The following POMT2 variants were observed in gnomAD, a reference collection of about 807,000 sequenced individuals.
The protein encoded by POMT2 is protein O-mannosyl-transferase 2.
Under a neutral mutation model 100.0 loss-of-function variants are expected in POMT2, and 75 were observed. The observed-to-expected ratio is 0.75, with a 90% CI of 0.62 to 0.91. The LOEUF is 0.91. Among genes scored for constraint, POMT2 ranks in the 40% least tolerant of loss-of-function variants. POMT2 has a pLI of 0.00. For missense variants in POMT2, 940 were observed against 955.1 expected (o/e 0.98, Z 0.21); for synonymous variants, 378 against 374.1 (o/e 1.01, Z -0.12).
At chr14:77,296,984 A>G (rs1223819745) in intron 8 of POMT2, among the ~76,000 whole-genome samples, 2 of 152,242 alleles carry the variant, frequency 1.3e-5, no homozygotes, top group African/African-American at 2.4e-5. Flanking sequence ...ATGGCTTCAC[A>G]CACTGACAAG....
At position 77,279,834 on chromosome 14, in the gene POMT2, G is replaced by A. The variant is rs745680157; in HGVS notation, c.1880C>T (p.Ala627Val). The A allele has an allele frequency of 9.3e-6, 15 of 1,613,272 alleles. No homozygotes were observed. The highest frequency in any genetic ancestry group is 2.2e-5 in the East Asian group (1 of 44,862). ...VAMQRGARLP[A>V]EVAGLSQVLL... ...CCAGAGGACCTGACCTGCAACCTCCGCTGGCAGCCGTGCCCCTCTCTGCAT... is the reference window on the plus strand; with the variant it reads ...CCAGAGGACCTGACCTGCAACCTCCACTGGCAGCCGTGCCCCTCTCTGCAT... The change falls in exon 18 of 21, where the codon GCG becomes GTG. Residue 627 changes from alanine (A) to valine (V), a missense_variant. By Grantham distance (64) the Ala-to-Val change is moderately conservative. Coordinates refer to ENST00000261534, the MANE Select transcript of POMT2 (RefSeq NM_013382.7).
chr14:77,315,221 A>T (rs545234402), intron 1 of POMT2, among the ~76,000 whole-genome samples: 1 of 152,310 alleles, frequency 6.6e-6, no homozygotes, highest in South Asian at 2.1e-4. Context: ...AGCAGTGCGC[A>T]CAAGGACTAA....
chr14:77,278,164 G>T (rs965418416), intron 20 of POMT2: 3 of 550,682 alleles, frequency 5.4e-6, no homozygotes, highest in African/African-American at 1.9e-5. Context: ...CTGAACCACC[G>T]GCAGAAGGGG....
At chr14:77,291,514 C>T in intron 9 of POMT2, 134 bp from the exon 10 acceptor site, 3 of 1,263,226 alleles carry the variant, frequency 2.4e-6, no homozygotes, top group Admixed American at 2.0e-5. Context: ...AGCCACCAAC[C>T]TGAGGGGCCA....
chr14:77,320,446 G>A lies in POMT2; in HGVS notation c.236C>T (p.Pro79Leu). Residue 79 changes from proline to leucine, a missense_variant, in exon 1 of 21, where the codon CCG (proline) becomes CTG (leucine). Physicochemically the swap from Pro to Leu is moderately conservative, Grantham distance 98. Coordinates refer to ENST00000261534, the MANE Select transcript of POMT2 (RefSeq NM_013382.7). ...FATRFHRLDE[P>L]PHICWDETHF... ...TCCCATCACTCACCAGATGTGCGGC[G>A]GCTCGTCCAAGCGGTGGAAGCGGGT... The A allele has an allele frequency of 3.2e-6, 5 of 1,546,490 alleles. No individual in the cohort carries two copies. The highest frequency in any genetic ancestry group is 4.4e-6 in the Non-Finnish European group (5 of 1,146,908).
chr14:77,319,288 C>T (rs944034295), intron 1 of POMT2, among the ~76,000 whole-genome samples: 1 of 152,176 alleles, frequency 6.6e-6, no homozygotes, highest in African/African-American at 2.4e-5. Context: ...CCTTATTCTG[C>T]TGCTTAGAGT....
chr14:77,304,641 C>G, intron 4 of POMT2, 51 bp downstream of exon 4: 1 of 1,549,676 alleles, frequency 6.5e-7, no homozygotes, highest in Non-Finnish European at 8.7e-7. Flanking sequence ...GCTACATTCA[C>G]GGAGTGGCAG....
chr14:77,279,740 A>G (rs1253737396), intron 18 of POMT2, 83 bp downstream of exon 18: 1 of 1,375,918 alleles, frequency 7.3e-7, no homozygotes, highest in Admixed American at 1.9e-5. Context: ...AGGATGGCCC[A>G]TCAGCAGGCA....
chr14:77,280,131 A>G lies in POMT2; in HGVS notation c.1726-51T>C, dbSNP rs556756120. 309 of 1,613,066 alleles carry G rather than the reference A, an allele frequency of 1.9e-4. 4 individuals carry two copies. In the East Asian group the frequency reaches 6.8e-3, roughly 35 times the overall value. ...ACCCAGGCCCAGCCCATCCTCGGCCACACCCATTAGGGGGAGGAAGATGGT... is the reference window on the plus strand; with the variant it reads ...ACCCAGGCCCAGCCCATCCTCGGCCGCACCCATTAGGGGGAGGAAGATGGT... On this transcript the variant is annotated intron_variant, in intron 16 of 20. Transcript: ENST00000261534.
At chr14:77,311,757 T>C (rs1891441156) in intron 2 of POMT2, among the ~76,000 whole-genome samples, 192 bp downstream of exon 2, 1 of 152,184 alleles carries the variant, frequency 6.6e-6, no homozygotes, top group Admixed American at 6.5e-5. Flanking sequence ...CCTCTTTCCA[T>C]TTCTGAGCCC....
chr14:77,280,022 G>A lies in POMT2; in HGVS notation c.1784C>T (p.Pro595Leu), dbSNP rs1015129250. Residue 595 changes from proline to leucine, a missense_variant and splice_region_variant, in exon 17 of 21, where the codon CCG becomes CTG. By Grantham distance (98) the Pro-to-Leu change is moderately conservative. Transcript: ENST00000261534. ...AGCCGGGAATGTTTAGGCACTCACCGGGTTGCCAAGCAGATAGACTCGGAA... is the reference window on the plus strand; with the variant it reads ...AGCCGGGAATGTTTAGGCACTCACCAGGTTGCCAAGCAGATAGACTCGGAA... Reference protein sequence around the residue: ...TDFRVYLLGNPVVWWLNLLSI... With the variant: ...TDFRVYLLGNLVVWWLNLLSI... 1.7e-5 allele frequency: 27 copies of A among 1,613,882 alleles called. No individual in the cohort carries two copies. Among genetic ancestry groups the A allele is most frequent in the Non-Finnish European group, 2.3e-5 (27 of 1,180,018 alleles).
intron 18 of POMT2, 198 bp downstream of exon 18, chr14:77,279,625 A>G (rs1193909377): frequency 7.2e-6 from 5 of 695,684 alleles, no homozygotes; most frequent in Admixed American, 6.1e-5. Context: ...CCAACGCTCT[A>G]GTGTTGTTGG....
chr14:77,287,157 C>G, intron 11 of POMT2: 1 of 357,192 alleles, frequency 2.8e-6, no homozygotes. Context: ...ACTTAGGAGG[C>G]AGGTTTGAGG....
intron 1 of POMT2, among the ~76,000 whole-genome samples, chr14:77,318,481 G>A (rs910590104): frequency 1.3e-5 from 2 of 152,068 alleles, no homozygotes; most frequent in African/African-American, 2.4e-5. Flanking sequence ...CTATCAATGC[G>A]GCTGATACAA....
chr14:77,283,078 C>T (rs1416052297), intron 15 of POMT2, among the ~76,000 whole-genome samples: 1 of 152,226 alleles, frequency 6.6e-6, no homozygotes, highest in East Asian at 1.9e-4. Context: ...GATGCTACAA[C>T]TGCTGTCAGC....
intron 10 of POMT2, among the ~76,000 whole-genome samples, chr14:77,289,153 G>A (rs1890551670): frequency 6.6e-6 from 1 of 151,928 alleles, no homozygotes; most frequent in South Asian, 2.1e-4. Context: ...CCCTTTGGGA[G>A]ACCGAGGCGG....
intron 15 of POMT2, 52 bp from the exon 16 acceptor site, chr14:77,280,515 A>G (rs749022613): frequency 6.2e-7 from 1 of 1,613,256 alleles, no homozygotes; most frequent in Non-Finnish European, 8.5e-7. Flanking sequence ...TAGAGGGCTG[A>G]CAGAAATGTG....
At chr14:77,285,202 G>C (rs1008452873) in intron 13 of POMT2, 161 bp from the exon 14 acceptor site, 1 of 749,006 alleles carries the variant, frequency 1.3e-6, no homozygotes, top group African/African-American at 1.8e-5. Flanking sequence ...GGATAGTCTA[G>C]CATACAGTAT....
At chr14:77,292,945 A>G (rs1890691080) in intron 9 of POMT2, among the ~76,000 whole-genome samples, 1 of 152,192 alleles carries the variant, frequency 6.6e-6, no homozygotes, top group Non-Finnish European at 1.5e-5. Flanking sequence ...AAATCACCTA[A>G]TGACCTGTTT....
Sources: allele counts gnomAD v4.1 joint callset (sites outside exome capture counted in the v4.1 genomes callset), GRCh38; gene constraint gnomAD v4.1.1; transcripts MANE v1.5; gene names NCBI Gene and HGNC (gene_info 2026-07-23, HGNC 2026-07-21).